CASP8: variants seen among roughly 807,000 people sequenced by gnomAD.
CASP8 encodes the protein caspase 8, also known as caspase-8.
Under a neutral mutation model 46.3 loss-of-function variants are expected in CASP8, and 24 were observed. The observed-to-expected ratio is 0.52, with a 90% CI of 0.38 to 0.73. CASP8 has a LOEUF of 0.73. Among genes scored for constraint, CASP8 ranks in the 30% least tolerant of loss-of-function variants. CASP8 has a pLI of 0.00. For missense variants in CASP8, 460 were observed against 559.0 expected, an observed-to-expected ratio of 0.82 and a Z score of 1.79; for synonymous variants, 188 against 200.4, an observed-to-expected ratio of 0.94 and a Z score of 0.52.
At chr2:201,283,514 C>T (rs1434889953) in intron 7 of CASP8, among the ~76,000 whole-genome samples, 3 of 81,020 alleles carry the variant, frequency 3.7e-5, no homozygotes, top group Admixed American at 9.8e-5. Flanking sequence ...CCAGTAGGGG[C>T]GGCCGGGCAG....
At chr2:201,283,573 A>C (rs1280036476) in intron 7 of CASP8, among the ~76,000 whole-genome samples, 3 of 43,242 alleles carry the variant, frequency 6.9e-5, no homozygotes, top group African/African-American at 8.2e-5. Flanking sequence ...CGGGGGGCTG[A>C]CCCCCCCACC....
chr2:201,245,027 T>C (rs1410550819), intron 2 of CASP8, among the ~76,000 whole-genome samples: 1 of 152,162 alleles, frequency 6.6e-6, no homozygotes, highest in Non-Finnish European at 1.5e-5. Context: ...TGTCCTTCAA[T>C]TGTCTACTAA....
Position 201,266,380 on chromosome 2 carries a change from T to C in CASP8, c.-26-81T>C. On this transcript the variant is annotated intron_variant, in intron 1 of 8. Coordinates refer to ENST00000673742, the MANE Select transcript of CASP8 (RefSeq NM_001372051.1). The surrounding 1 kb of genome is among the most constrained non-coding windows in gnomAD (Gnocchi z 5.7). Reference sequence around the variant, plus strand: ...TGACAGCACAATGACCAGTACCTAGTAGTTGCAGTAGCCTTTGATGAACAA... The same window carrying C: ...TGACAGCACAATGACCAGTACCTAGCAGTTGCAGTAGCCTTTGATGAACAA... 3 of 1,000,228 alleles carry C rather than the reference T, an allele frequency of 3.0e-6. No homozygotes were observed. The highest frequency in any genetic ancestry group is 2.2e-4 in the Middle Eastern group (1 of 4,642). The allele number at this position is 1,000,228 out of a possible 1,614,324, so 62.0% of individuals were successfully genotyped here. A position where few individuals can be genotyped will look rare whatever the true frequency, so the allele number is the denominator to read the frequency against.
intron 1 of CASP8, among the ~76,000 whole-genome samples, 199 bp downstream of exon 1, chr2:201,260,812 G>A (rs1947334746): frequency 6.6e-6 from 1 of 152,194 alleles, no homozygotes; most frequent in East Asian, 1.9e-4. Flanking sequence ...GCCGAGGGCC[G>A]TGCAGTTTCC....
chr2:201,271,063 G>A (rs1404844798), intron 2 of CASP8, among the ~76,000 whole-genome samples: 2 of 152,148 alleles, frequency 1.3e-5, no homozygotes, highest in African/African-American at 4.8e-5. Flanking sequence ...TGATAGGGAT[G>A]TATTCGGAGA....
intron 2 of CASP8, among the ~76,000 whole-genome samples, chr2:201,268,342 G>A (rs1031733818): frequency 1.3e-5 from 2 of 152,166 alleles, no homozygotes; most frequent in African/African-American, 4.8e-5. Context: ...CCTGAGGTCA[G>A]GAGTTCAAGA....
chr2:201,235,643 T>C (rs2124834358), intron 2 of CASP8, among the ~76,000 whole-genome samples: 1 of 152,304 alleles, frequency 6.6e-6, no homozygotes, highest in African/African-American at 2.4e-5. Context: ...AAAACAGCTT[T>C]ACTGAGATAT....
rs1947858808 is a variant in CASP8, at chr2:201,266,844, C to T, written c.305+53C>T. 3.5e-6 allele frequency: 5 copies of T among 1,423,370 alleles called. No homozygotes were observed. In the South Asian group the frequency reaches 3.7e-5, roughly 11 times the overall value. 88.2% of individuals were successfully genotyped at this position (1,423,370 alleles called of 1,614,324 possible). A position where few individuals can be genotyped will look rare whatever the true frequency, so the allele number is the denominator to read the frequency against. ...GGGAGGTGTGGGTTGAATGGACAGC[C>T]TCTGAGCTGATTGGGGCTTTTTTTT... On this transcript the variant is annotated intron_variant, in intron 2 of 8. Coordinates refer to ENST00000673742, the MANE Select transcript of CASP8 (RefSeq NM_001372051.1). This position sits in a 1 kb window ranked among gnomAD's most constrained non-coding sequence, Gnocchi z 5.7.
intron 3 of CASP8, 80 bp downstream of exon 3, chr2:201,271,701 A>G (rs1948258293): frequency 3.4e-6 from 3 of 890,542 alleles, no homozygotes; most frequent in Non-Finnish European, 5.7e-6. Context: ...AGAGAGGGGT[A>G]TTTTGGTAAA....
chr2:201,266,745 GAA>G lies in CASP8; in HGVS notation c.261_262del (p.Arg88GlyfsTer33). 1 of 1,613,808 alleles carries G rather than the reference GAA, an allele frequency of 6.2e-7. No individual in the cohort carries two copies. Among genetic ancestry groups the G allele is most frequent in the Non-Finnish European group, 8.5e-7 (1 of 1,179,734 alleles). On this transcript the variant is annotated frameshift_variant, in exon 2 of 9. Transcript: ENST00000673742. LOFTEE classifies it high-confidence loss of function. This position sits in a 1 kb window ranked among gnomAD's most constrained non-coding sequence, Gnocchi z 5.7. ...CCTAAACACTAGAAAGGAGGAGATG[GAA>G]AGGGAACTTCAGACACCAGGCAGGG... is the stretch of plus-strand genomic sequence containing the variant. ...TYLNTRKEEM[E>X]RELQTPGRAQ... is the part of the protein sequence containing the mutation.
At chr2:201,249,964 A>G (rs893511079) in intron 2 of CASP8, among the ~76,000 whole-genome samples, 2 of 152,256 alleles carry the variant, frequency 1.3e-5, no homozygotes, top group African/African-American at 4.8e-5. Context: ...AGAAAAGTGC[A>G]TAAACATATT....
At chr2:201,268,049 C>T (rs1334269669) in intron 2 of CASP8, among the ~76,000 whole-genome samples, 1 of 152,218 alleles carries the variant, frequency 6.6e-6, no homozygotes. Flanking sequence ...GCCTCAGCCT[C>T]CTGAGTAGCT....
At chr2:201,260,522 T>C, upstream of CASP8, 1 of 985,436 alleles carries the variant, frequency 1.0e-6, no homozygotes, top group Non-Finnish European at 1.2e-6. Context: ...GGCTGTGCCC[T>C]TCCGTCCTTC....
At chr2:201,258,225 TGAGGCCA>T, upstream of CASP8, 1 of 1,607,092 alleles carries the variant, frequency 6.2e-7, no homozygotes, top group Non-Finnish European at 8.5e-7. Context: ...CAACAGGAAG[TGAGGCCA>T]TGGAGGGAGG....
intron 3 of CASP8, 74 bp downstream of exon 3, chr2:201,271,695 AG>A (rs900666064): frequency 1.1e-6 from 1 of 949,174 alleles, no homozygotes; most frequent in African/African-American, 1.6e-5. Flanking sequence ...GACCAAAGAG[AG>A]GGGTATTTTG....
intron 2 of CASP8, among the ~76,000 whole-genome samples, chr2:201,247,911 T>C (rs1946609401): frequency 6.6e-6 from 1 of 152,226 alleles, no homozygotes; most frequent in Non-Finnish European, 1.5e-5. Context: ...CCCAAAGTGC[T>C]GGGATTACAG....
intron 2 of CASP8, among the ~76,000 whole-genome samples, chr2:201,238,859 A>G (rs2124878465): frequency 6.6e-6 from 1 of 152,270 alleles, no homozygotes; most frequent in African/African-American, 2.4e-5. Context: ...AGGGAAGGTC[A>G]GCAGATAAAC....
upstream of CASP8, among the ~76,000 whole-genome samples, chr2:201,257,707 A>G (rs1383669813): frequency 6.6e-6 from 1 of 152,166 alleles, no homozygotes; most frequent in Non-Finnish European, 1.5e-5. Flanking sequence ...TTTCTGAACA[A>G]TCTACCTACA....
Position 201,248,303 on chromosome 2 carries a change from G to A in CASP8, c.-27+14191G>A, listed in dbSNP as rs573826872. 7.2e-5 allele frequency among the ~76,000 whole-genome samples: 11 copies of A among 152,276 alleles called. 1 individual carries two copies. In the South Asian group the frequency reaches 2.1e-3, roughly 29 times the overall value. On this transcript the variant is annotated intron_variant, in intron 2 of 6. Transcript: ENST00000264274. ...GGTCCTTGAGTGTAGCTGGTTGCAG[G>A]AAGGCCCCAGCAGAAGGGGGCTTTG...
Sources: allele counts gnomAD v4.1 joint callset (sites outside exome capture counted in the v4.1 genomes callset), GRCh38; gene constraint gnomAD v4.1.1; non-coding constraint Gnocchi (gnomAD v3.1); transcripts MANE v1.5; gene names NCBI Gene and HGNC (gene_info 2026-07-23, HGNC 2026-07-21).